The following PRDM5 variants were observed in gnomAD, a reference collection of about 807,000 sequenced individuals.
The protein encoded by PRDM5 is PR domain zinc finger protein 5.
A neutral mutation model predicts 81.2 loss-of-function variants in PRDM5; 56 were observed. The observed-to-expected ratio is 0.69, with a 90% CI of 0.56 to 0.86. The LOEUF is 0.86. PRDM5 is among the 40% of genes least tolerant of loss of function. The pLI is 0.00. For missense variants in PRDM5, 697 were observed against 770.1 expected (o/e 0.91, Z 1.12); for synonymous variants, 267 against 256.4 (o/e 1.04, Z -0.39).
chr4:120,702,662 C>A (rs888747916), intron 15 of PRDM5, among the ~76,000 whole-genome samples: 1 of 152,078 alleles, frequency 6.6e-6, no homozygotes, highest in East Asian at 1.9e-4. Context: ...TAAGTACCCC[C>A]AAAGACTGCA....
intron 4 of PRDM5, 146 bp downstream of exon 4, chr4:120,821,025 C>T (rs1199021308): frequency 1.0e-6 from 1 of 981,478 alleles, no homozygotes; most frequent in Non-Finnish European, 1.6e-6. Context: ...GAGTCCACCA[C>T]AGGATACCCT....
At chr4:120,763,809 G>T (rs541733215) in intron 13 of PRDM5, among the ~76,000 whole-genome samples, 37 of 152,154 alleles carry the variant, frequency 2.4e-4, no homozygotes, top group African/African-American at 8.9e-4. Flanking sequence ...AACCTTAGGT[G>T]CCTGCACAAA....
intron 3 of PRDM5, among the ~76,000 whole-genome samples, chr4:120,843,583 G>A (rs113232068): frequency 6.6e-4 from 100 of 151,564 alleles, no homozygotes; most frequent in African/African-American, 2.4e-3. Context: ...ACATGCCTGT[G>A]GTCACAGCTA....
chr4:120,778,058 G>A (rs1748443649), intron 12 of PRDM5, among the ~76,000 whole-genome samples: 1 of 152,104 alleles, frequency 6.6e-6, no homozygotes, highest in Non-Finnish European at 1.5e-5. Context: ...TGAAGGGTCA[G>A]AGCTATTTCT....
intron 3 of PRDM5, among the ~76,000 whole-genome samples, chr4:120,826,891 T>C (rs541508263): frequency 4.9e-4 from 75 of 152,250 alleles, no homozygotes; most frequent in African/African-American, 1.8e-3. Flanking sequence ...CATTCAAAGA[T>C]GCTGCTGTAT....
At chr4:120,686,455 T>C (rs1733837190) in intron 1 of PRDM5, among the ~76,000 whole-genome samples, 1 of 152,134 alleles carries the variant, frequency 6.6e-6, no homozygotes, top group South Asian at 2.1e-4. Flanking sequence ...TATTTCGTGC[T>C]TCTAACTGAT....
At chr4:120,792,406 T>A (rs76905138) in intron 10 of PRDM5, among the ~76,000 whole-genome samples, 30,275 of 152,152 alleles carry the variant, frequency 0.2, 3,671 homozygotes, top group Non-Finnish European at 0.28. Flanking sequence ...ATTTTAAAGT[T>A]ATTTTCATAA....
intron 14 of PRDM5, among the ~76,000 whole-genome samples, chr4:120,718,563 C>T (rs920752607): frequency 2.6e-5 from 4 of 152,100 alleles, no homozygotes; most frequent in South Asian, 2.1e-4. Context: ...ACACTTAGAC[C>T]TTTCTGCAAA....
chr4:120,779,738 C>A (rs1748732356), intron 12 of PRDM5, among the ~76,000 whole-genome samples: 1 of 152,036 alleles, frequency 6.6e-6, no homozygotes, highest in South Asian at 2.1e-4. Flanking sequence ...TCCGTCTCTA[C>A]TAAAAATACA....
Position 120,821,306 on chromosome 4 carries a change from C to T in PRDM5, c.340G>A (p.Glu114Lys), listed in dbSNP as rs1755232886. ...NIFYLAVEDI[E>K]TDTELLIGYL... ...CCAATCAGAAGCTCCGTGTCTGTTT[C>T]TATATCTTCAACTGCCAAATAGAAA... is the stretch of plus-strand genomic sequence containing the variant. Residue 114 changes from glutamate to lysine, a missense_variant, in exon 4 of 16, where the codon GAA becomes AAA. By Grantham distance (56) the Glu-to-Lys change is moderately conservative. Transcript: ENST00000264808. The T allele has an allele frequency of 6.2e-7, 1 of 1,614,054 alleles. No homozygotes were observed. The highest frequency in any genetic ancestry group is 2.2e-5 in the East Asian group (1 of 44,868).
intron 2 of PRDM5, among the ~76,000 whole-genome samples, chr4:120,885,012 C>T (rs1343733723): frequency 1.3e-5 from 2 of 150,516 alleles, no homozygotes; most frequent in African/African-American, 2.4e-5. Flanking sequence ...TACCCAGGCA[C>T]GATGGTGGGC....
At chr4:120,825,223 A>C (rs191225258) in intron 3 of PRDM5, among the ~76,000 whole-genome samples, 121 of 152,300 alleles carry the variant, frequency 7.9e-4, no homozygotes, top group African/African-American at 2.9e-3. Context: ...TGAAGATTAA[A>C]GATGGTAATA....
chr4:120,826,982 CATAAAT>C (rs1756075523), intron 3 of PRDM5, among the ~76,000 whole-genome samples: 1 of 152,158 alleles, frequency 6.6e-6, no homozygotes, highest in Admixed American at 6.6e-5. Flanking sequence ...TCTCTGTACA[CATAAAT>C]ATAATTTCAT....
intron 13 of PRDM5, among the ~76,000 whole-genome samples, chr4:120,759,229 C>T (rs1745244896): frequency 6.6e-6 from 1 of 152,240 alleles, no homozygotes; most frequent in African/African-American, 2.4e-5. Context: ...GTAAGTTCAA[C>T]TCCATTCCTT....
chr4:120,828,822 A>T lies in PRDM5; in HGVS notation c.301-7477T>A, dbSNP rs142849375. Among the ~76,000 whole-genome samples, 471 of 152,156 alleles carry T rather than the reference A, an allele frequency of 3.1e-3. 1 individual carries two copies. The highest frequency in any genetic ancestry group is 9.1e-3 in the African/African-American group (377 of 41,548). On this transcript the variant is annotated intron_variant, in intron 3 of 15. Coordinates refer to ENST00000264808, the MANE Select transcript of PRDM5 (RefSeq NM_018699.4). ...TTATATGTGGTATATGACAGGAAGA[A>T]CACTTTATCAAGACTATCTTCTGGC...
intron 1 of PRDM5, among the ~76,000 whole-genome samples, chr4:120,920,766 A>G (rs1724811307): frequency 6.6e-6 from 1 of 152,252 alleles, no homozygotes; most frequent in Non-Finnish European, 1.5e-5. Flanking sequence ...GAAGCATTCT[A>G]AATATGATCT....
At chr4:120,885,873 A>G (rs1172864673) in intron 2 of PRDM5, 2 of 152,136 alleles carry the variant, frequency 1.3e-5, no homozygotes, top group Non-Finnish European at 2.9e-5. Flanking sequence ...CTCCAATAAC[A>G]CAAAAGTTAT....
rs1412462376 is a variant in PRDM5 at position 120,744,024 on chromosome 4, T to C, written c.1623+10529A>G. On this transcript the variant is annotated intron_variant, in intron 14 of 15. Transcript: ENST00000264808. ...ACCTATTCCAAAATTGACCACATAC[T>C]TGGAAGTAAAGCTCTCCTCAGCAAA... 5.9e-5 allele frequency among the ~76,000 whole-genome samples: 9 copies of C among 152,134 alleles called. No homozygotes were observed. In the East Asian group the frequency reaches 1.7e-3, roughly 29 times the overall value.
chr4:120,884,575 C>T (rs937437408), intron 2 of PRDM5, among the ~76,000 whole-genome samples: 6 of 152,050 alleles, frequency 3.9e-5, no homozygotes, highest in South Asian at 2.1e-4. Flanking sequence ...CTTCTCTGCC[C>T]GATACTTTTT....
Sources: gnomAD v4.1 joint callset for allele counts (sites outside exome capture counted in the v4.1 genomes callset) on GRCh38, gnomAD v4.1.1 for gene constraint, MANE v1.5 for transcripts, NCBI Gene and HGNC (gene_info 2026-07-23, HGNC 2026-07-21) for gene names.